RPH3A: variants seen among roughly 807,000 people sequenced by gnomAD.
RPH3A encodes the protein rabphilin 3A, also known as rabphilin-3A.
A neutral mutation model predicts 102.2 loss-of-function variants in RPH3A; 48 were observed. The observed-to-expected ratio is 0.47, with a 90% CI of 0.37 to 0.60. The LOEUF (loss-of-function observed/expected upper bound fraction) is 0.60, where lower values mean the gene tolerates loss of function less well. Ranked by LOEUF, RPH3A falls within the 20% of genes least tolerant of loss-of-function variation. The pLI, the probability that RPH3A is intolerant of heterozygous loss-of-function variation, is 0.00. For synonymous variants in RPH3A, 310 were observed against 324.3 expected (o/e 0.96, Z 0.47); for missense variants, 781 against 910.1 (o/e 0.86, Z 1.83).
intron 1 of RPH3A, among the ~76,000 whole-genome samples, chr12:112,776,710 T>C (rs1318456053): frequency 6.6e-6 from 1 of 151,462 alleles, no homozygotes; most frequent in East Asian, 1.9e-4. Flanking sequence ...CCGTCTCTAC[T>C]GAAAATACAA....
At chr12:112,782,791 C>T (rs1316186810) in intron 1 of RPH3A, among the ~76,000 whole-genome samples, 1 of 152,176 alleles carries the variant, frequency 6.6e-6, no homozygotes, top group Non-Finnish European at 1.5e-5. Flanking sequence ...GGATGTGCCA[C>T]TATTTATTTA....
chr12:112,789,718 A>G (rs937378658), upstream of RPH3A, among the ~76,000 whole-genome samples: 7 of 151,506 alleles, frequency 4.6e-5, no homozygotes, highest in Admixed American at 3.9e-4. Flanking sequence ...CACCATCAAC[A>G]TCATCAGCAT....
At chr12:112,879,410 C>T (rs1430196027) in intron 14 of RPH3A, among the ~76,000 whole-genome samples, 1 of 152,250 alleles carries the variant, frequency 6.6e-6, no homozygotes, top group Non-Finnish European at 1.5e-5. Context: ...CACTTATCTG[C>T]AACCACCTCC....
chr12:112,666,840 G>T (rs1206606780), intron 1 of RPH3A, among the ~76,000 whole-genome samples: 2 of 152,140 alleles, frequency 1.3e-5, no homozygotes, highest in Non-Finnish European at 2.9e-5. Flanking sequence ...TAATGTCATT[G>T]TTACCATATG....
intron 4 of RPH3A, chr12:112,841,995 T>C (rs550393975): frequency 6.6e-6 from 3 of 455,982 alleles, no homozygotes; most frequent in Non-Finnish European, 1.3e-5. Context: ...ATTTGGACAC[T>C]GCTACTACCA....
intron 1 of RPH3A, among the ~76,000 whole-genome samples, chr12:112,579,042 T>A (rs1237729574): frequency 1.3e-5 from 2 of 152,186 alleles, no homozygotes; most frequent in Non-Finnish European, 2.9e-5. Flanking sequence ...AAAGCTATCG[T>A]GCCTGGGAAA....
In RPH3A at chr12:112,878,154, G is replaced by A. The variant is rs377718525; in HGVS notation, c.1172-965G>A. Among the ~76,000 whole-genome samples, 98 of 152,246 alleles carry A rather than the reference G, an allele frequency of 6.4e-4. No homozygotes were observed. In the South Asian group the frequency reaches 0.017, roughly 27 times the overall value. On this transcript the variant is annotated intron_variant, in intron 13 of 21. Transcript: ENST00000389385. ...TCTGCGGTCTCAGGAGAAAGGAGAGGAGTCCACCCATCTTGTCAGCCACAG... is the reference window on the plus strand; with the variant it reads ...TCTGCGGTCTCAGGAGAAAGGAGAGAAGTCCACCCATCTTGTCAGCCACAG...
chr12:112,684,467 C>A (rs2040249061), intron 1 of RPH3A, among the ~76,000 whole-genome samples: 1 of 151,922 alleles, frequency 6.6e-6, no homozygotes, highest in South Asian at 2.1e-4. Flanking sequence ...AGGGTTATGC[C>A]ATGTTGGCCA....
intron 1 of RPH3A, among the ~76,000 whole-genome samples, chr12:112,608,228 G>T (rs967961817): frequency 1.3e-5 from 2 of 151,540 alleles, no homozygotes; most frequent in Non-Finnish European, 2.9e-5. Context: ...TGATTTTCCA[G>T]CCTCAGCCTC....
At chr12:112,745,955 A>C (rs1344685844) in intron 1 of RPH3A, among the ~76,000 whole-genome samples, 1 of 151,964 alleles carries the variant, frequency 6.6e-6, no homozygotes, top group Non-Finnish European at 1.5e-5. Context: ...AAGAGGCAGG[A>C]GTGTTTATGA....
chr12:112,604,441 A>G (rs1229057299), intron 1 of RPH3A, among the ~76,000 whole-genome samples: 1 of 152,204 alleles, frequency 6.6e-6, no homozygotes, highest in African/African-American at 2.4e-5. Context: ...ACTAGCATAT[A>G]TTCAGCAACT....
At chr12:112,837,166 G>A (rs7302679) in intron 4 of RPH3A, among the ~76,000 whole-genome samples, 2,420 of 152,202 alleles carry the variant, frequency 0.016, 48 homozygotes, top group African/African-American at 0.045. Context: ...CTCTCTCCCC[G>A]CAATCATGGG....
intron 1 of RPH3A, among the ~76,000 whole-genome samples, chr12:112,645,498 G>A (rs561102951): frequency 6.6e-6 from 1 of 152,122 alleles, no homozygotes; most frequent in African/African-American, 2.4e-5. Context: ...GAGCACTTAC[G>A]ACTGTGTTTT....
intron 1 of RPH3A, among the ~76,000 whole-genome samples, chr12:112,675,852 GT>G (rs1190331535): frequency 2.0e-5 from 3 of 152,338 alleles, no homozygotes; most frequent in Non-Finnish European, 1.5e-5. Context: ...ATGACACTGA[GT>G]TTTTAAGACA....
intron 16 of RPH3A, among the ~76,000 whole-genome samples, chr12:112,887,252 G>A (rs931204293): frequency 3.9e-5 from 6 of 152,194 alleles, no homozygotes; most frequent in African/African-American, 1.4e-4. Flanking sequence ...GAAACAACCT[G>A]TATCAACAGC....
At chr12:112,650,057 C>A (rs1006479342) in intron 1 of RPH3A, among the ~76,000 whole-genome samples, 2 of 152,224 alleles carry the variant, frequency 1.3e-5, no homozygotes, top group East Asian at 1.9e-4. Context: ...GTAGATCCAG[C>A]TTTTAGCACC....
intron 1 of RPH3A, among the ~76,000 whole-genome samples, chr12:112,729,163 G>C (rs538363465): frequency 2.7e-5 from 4 of 150,880 alleles, no homozygotes; most frequent in African/African-American, 9.7e-5. Flanking sequence ...TTTTGAGATA[G>C]GGTTTTGCTC....
intron 1 of RPH3A, among the ~76,000 whole-genome samples, chr12:112,689,999 G>A (rs1340753027): frequency 6.6e-6 from 1 of 152,182 alleles, no homozygotes; most frequent in African/African-American, 2.4e-5. Context: ...TCTGAAAAGT[G>A]AGGAGGGGAT....
intron 2 of RPH3A, among the ~76,000 whole-genome samples, chr12:112,825,535 C>T (rs12306154): frequency 3.3e-5 from 5 of 151,986 alleles, no homozygotes; most frequent in Non-Finnish European, 7.4e-5. Flanking sequence ...GTCTCTCCCC[C>T]CCTTACTCTT....
Sources: gnomAD v4.1 joint callset for allele counts (sites outside exome capture counted in the v4.1 genomes callset) on GRCh38, gnomAD v4.1.1 for gene constraint, MANE v1.5 for transcripts, NCBI Gene and HGNC (gene_info 2026-07-23, HGNC 2026-07-21) for gene names.